Variants in DDC observed in about 807,000 individuals in gnomAD.
DDC encodes the protein dopa decarboxylase.
DDC carries 43 observed loss-of-function variants against 60.0 expected under a neutral mutation model. That is an observed-to-expected ratio of 0.72 (90% CI 0.56 to 0.92). The LOEUF (loss-of-function observed/expected upper bound fraction) is 0.92. Among genes scored for constraint, DDC ranks in the 40% least tolerant of loss-of-function variants. The pLI is 0.00. For missense variants in DDC, 573 were observed against 620.2 expected (o/e 0.92, Z 0.81); for synonymous variants, 232 against 234.6 (o/e 0.99, Z 0.10).
chr7:50,484,202 C>T (rs1041663938), intron 9 of DDC, among the ~76,000 whole-genome samples: 1 of 152,176 alleles, frequency 6.6e-6, no homozygotes, highest in Non-Finnish European at 1.5e-5. Context: ...TTCCAGAGAT[C>T]GTTTATGTAA....
At chr7:50,555,772 C>T (rs114974432) in intron 1 of DDC, among the ~76,000 whole-genome samples, 1 of 152,038 alleles carries the variant, frequency 6.6e-6, no homozygotes, top group South Asian at 2.1e-4. Flanking sequence ...ATGAGAAGAC[C>T]GAGGCGCAGA....
intron 9 of DDC, among the ~76,000 whole-genome samples, chr7:50,483,227 TTTATC>T (rs1470564642): frequency 6.6e-6 from 1 of 152,216 alleles, no homozygotes; most frequent in African/African-American, 2.4e-5. Context: ...GTTGTTGACT[TTTATC>T]TAATGCTTTT....
At chr7:50,479,210 T>A (rs747104441) in intron 10 of DDC, among the ~76,000 whole-genome samples, 13 of 152,124 alleles carry the variant, frequency 8.5e-5, no homozygotes, top group African/African-American at 1.2e-4. Flanking sequence ...TGCCCACTCA[T>A]CCCCTCCCTG....
In DDC at chr7:50,467,330, G is replaced by C; in HGVS notation, c.1141-15C>G. ...AGCTGGACATGCTTCAAAGAGGAAAGGGAAAATCTGTTTTTCTCATGGCCA... is the reference window on the plus strand; with the variant it reads ...AGCTGGACATGCTTCAAAGAGGAAACGGAAAATCTGTTTTTCTCATGGCCA... On this transcript the variant is annotated splice_polypyrimidine_tract_variant and intron_variant, in intron 12 of 14. Coordinates refer to ENST00000444124, the MANE Select transcript of DDC (RefSeq NM_001082971.2). 1 of 1,608,924 alleles carries C rather than the reference G, an allele frequency of 6.2e-7. No individual in the cohort carries two copies. The highest frequency in any genetic ancestry group is 8.5e-7 in the Non-Finnish European group (1 of 1,175,320).
intron 14 of DDC, among the ~76,000 whole-genome samples, chr7:50,461,134 G>A (rs1026523352): frequency 2.6e-5 from 4 of 152,006 alleles, no homozygotes; most frequent in African/African-American, 7.2e-5. Context: ...AAGAACGAAC[G>A]TATAATTTCT....
chr7:50,466,835 C>T (rs1239745308), intron 13 of DDC, among the ~76,000 whole-genome samples: 1 of 152,246 alleles, frequency 6.6e-6, no homozygotes, highest in Non-Finnish European at 1.5e-5. Flanking sequence ...CCAGACAATG[C>T]TGATGATGCT....
intron 11 of DDC, among the ~76,000 whole-genome samples, chr7:50,470,491 G>A (rs952193337): frequency 6.6e-6 from 1 of 152,244 alleles, no homozygotes; most frequent in African/African-American, 2.4e-5. Context: ...GTTCCGTGGT[G>A]AGCAAACAGG....
intron 14 of DDC, among the ~76,000 whole-genome samples, chr7:50,462,226 C>CAAAAGAAAAAAAAAAAAAA (rs2042290252): frequency 1.3e-5 from 1 of 75,380 alleles, no homozygotes; most frequent in Non-Finnish European, 2.4e-5. Flanking sequence ...GACAAAAAGA[C>CAAAAGAAAAAAAAAAAAAA]AAAAAAAAAA....
At chr7:50,470,321 G>C in intron 11 of DDC, 150 bp from the exon 12 acceptor site, 1 of 713,172 alleles carries the variant, frequency 1.4e-6, no homozygotes, top group Admixed American at 2.0e-5. Flanking sequence ...TTGGATGGCA[G>C]GGCCCTCGGT....
At chr7:50,557,709 T>C (rs946003614) in intron 1 of DDC, among the ~76,000 whole-genome samples, 3 of 152,230 alleles carry the variant, frequency 2.0e-5, no homozygotes, top group East Asian at 1.9e-4. Flanking sequence ...CATGAGTAGA[T>C]GCCACCCCAC....
rs541002757 is a variant in DDC, at chr7:50,460,398, G to A, written c.*19-1555C>T. Among the ~76,000 whole-genome samples, 13 of 148,620 alleles carry A rather than the reference G, an allele frequency of 8.7e-5. 1 individual carries two copies. The highest frequency in any genetic ancestry group is 2.3e-4 in the African/African-American group (9 of 39,252). ...CCCCGCCCGGCCAGCCGCCCCATCC[G>A]GGAGGAAGGTGGGGGGGTCAGCCCC... is the stretch of plus-strand genomic sequence containing the variant. On this transcript the variant is annotated intron_variant, in intron 14 of 14. Coordinates refer to ENST00000444124, the MANE Select transcript of DDC (RefSeq NM_001082971.2).
intron 14 of DDC, among the ~76,000 whole-genome samples, chr7:50,459,880 TG>T (rs1170230284): frequency 3.6e-5 from 4 of 110,956 alleles, no homozygotes; most frequent in East Asian, 5.7e-4. Flanking sequence ...GGGAGGGAGG[TG>T]GGGGGGTCAG....
chr7:50,551,183 T>C (rs1234848062), intron 1 of DDC, among the ~76,000 whole-genome samples: 1 of 152,232 alleles, frequency 6.6e-6, no homozygotes, highest in East Asian at 1.9e-4. Flanking sequence ...ATCACTGGGC[T>C]TGAATATCCA....
intron 4 of DDC, among the ~76,000 whole-genome samples, chr7:50,531,283 A>G (rs879402839): frequency 6.6e-6 from 1 of 152,082 alleles, no homozygotes; most frequent in Non-Finnish European, 1.5e-5. Flanking sequence ...CACTTCTCCT[A>G]TGTACCCCAT....
chr7:50,527,798 G>T, intron 6 of DDC: 1 of 287,054 alleles, frequency 3.5e-6, no homozygotes, highest in Admixed American at 4.8e-5. Flanking sequence ...ACCTTGCTCT[G>T]CGTGCTAACT....
At chr7:50,531,934 G>A (rs1434255282) in intron 4 of DDC, 1 of 152,238 alleles carries the variant, frequency 6.6e-6, no homozygotes, top group Non-Finnish European at 1.5e-5. Flanking sequence ...GATGCCGTGA[G>A]CAGAAATGTC....
At chr7:50,529,003 C>T (rs1044614701) in intron 5 of DDC, among the ~76,000 whole-genome samples, 1 of 152,152 alleles carries the variant, frequency 6.6e-6, no homozygotes, top group African/African-American at 2.4e-5. Context: ...GGTGATGTCT[C>T]CACACATTTA....
intron 1 of DDC, among the ~76,000 whole-genome samples, chr7:50,548,069 T>C (rs779349940): frequency 3.3e-5 from 5 of 152,222 alleles, no homozygotes; most frequent in Non-Finnish European, 7.3e-5. Flanking sequence ...ATTGTAATTG[T>C]TTTGGGACAG....
chr7:50,560,179 C>G (rs75854069), intron 1 of DDC, among the ~76,000 whole-genome samples: 1 of 152,178 alleles, frequency 6.6e-6, no homozygotes, highest in East Asian at 1.9e-4. Context: ...GACAAACCAA[C>G]AGAGGACCAG....
Sources: allele counts gnomAD v4.1 joint callset (sites outside exome capture counted in the v4.1 genomes callset), GRCh38; gene constraint gnomAD v4.1.1; transcripts MANE v1.5; gene names NCBI Gene and HGNC (gene_info 2026-07-23, HGNC 2026-07-21).